Variants in SHC4 observed in about 807,000 individuals in gnomAD.
SHC4 encodes SHC-transforming protein 4.
SHC4 carries 41 observed loss-of-function variants against 69.4 expected under a neutral mutation model. The observed-to-expected ratio is 0.59, with a 90% CI of 0.46 to 0.77. The LOEUF (loss-of-function observed/expected upper bound fraction) is 0.77. Ranked by LOEUF, SHC4 falls within the 30% of genes least tolerant of loss-of-function variation. The pLI, the probability that SHC4 is intolerant of heterozygous loss-of-function variation, is 0.00. For synonymous variants in SHC4, 318 were observed against 299.3 expected (o/e 1.06, Z -0.64); for missense variants, 777 against 783.8 (o/e 0.99, Z 0.10).
At chr15:48,866,777 C>A (rs1428807584) in intron 6 of SHC4, among the ~76,000 whole-genome samples, 1 of 152,200 alleles carries the variant, frequency 6.6e-6, no homozygotes, top group East Asian at 1.9e-4. Flanking sequence ...TATTCCATGT[C>A]CACTTAATAA....
rs891947765 is a variant in SHC4, at chr15:48,826,233, T to G, written c.1738-107A>C. ...AGATATATCCCTAAAGTAGATACTT[T>G]GCTGAAAAAAGAAAAGGTACTTTTT... On this transcript the variant is annotated intron_variant, in intron 11 of 11. Coordinates refer to ENST00000332408, the MANE Select transcript of SHC4 (RefSeq NM_203349.4). 9.1e-6 allele frequency: 10 copies of G among 1,100,262 alleles called. No individual in the cohort carries two copies. In the African/African-American group the frequency reaches 1.6e-4, roughly 18 times the overall value. 68.2% of individuals were successfully genotyped at this position (1,100,262 alleles called of 1,614,324 possible).
chr15:48,888,700 G>C (rs950220002), intron 3 of SHC4, among the ~76,000 whole-genome samples: 1 of 151,924 alleles, frequency 6.6e-6, no homozygotes, highest in Non-Finnish European at 1.5e-5. Context: ...TTAGAGACCA[G>C]CCTGGCCAAA....
chr15:48,826,146 T>C lies in SHC4; in HGVS notation c.1738-20A>G, dbSNP rs751459486. 134 of 1,596,410 alleles carry C rather than the reference T, an allele frequency of 8.4e-5. No homozygotes were observed. The highest frequency in any genetic ancestry group is 1.1e-4 in the Non-Finnish European group (129 of 1,173,548). On this transcript the variant is annotated intron_variant, in intron 11 of 11. Coordinates refer to ENST00000332408, the MANE Select transcript of SHC4 (RefSeq NM_203349.4). ...CCTCACCTTGAAAAAGAAGTACAAA[T>C]ATATTTAGGTTAAATTATAGTAGTT...
intron 2 of SHC4, among the ~76,000 whole-genome samples, chr15:48,907,840 G>GTGTGTGTGTGTGTATA (rs763689321): frequency 7.0e-6 from 1 of 142,196 alleles, no homozygotes; most frequent in African/African-American, 2.6e-5. Context: ...GTGTGTGTGT[G>GTGTGTGTGTGTGTATA]TATATATATA....
intron 3 of SHC4, among the ~76,000 whole-genome samples, chr15:48,888,393 T>C (rs1900075154): frequency 1.3e-5 from 2 of 152,182 alleles, no homozygotes; most frequent in Admixed American, 6.5e-5. Flanking sequence ...ATTCCACTCA[T>C]ATGAAGTACC....
At chr15:48,916,178 T>TC (rs146763227) in intron 2 of SHC4, among the ~76,000 whole-genome samples, 5,171 of 152,118 alleles carry the variant, frequency 0.034, 288 homozygotes, top group African/African-American at 0.12. Context: ...AGAATGCTTT[T>TC]CCTTCTAGAG....
intron 6 of SHC4, among the ~76,000 whole-genome samples, chr15:48,860,117 C>G (rs537568587): frequency 6.6e-6 from 1 of 152,248 alleles, no homozygotes; most frequent in East Asian, 1.9e-4. Flanking sequence ...GATAAAATAT[C>G]TCCTAACACT....
intron 2 of SHC4, among the ~76,000 whole-genome samples, chr15:48,915,907 G>A (rs1046707325): frequency 3.3e-5 from 5 of 151,978 alleles, no homozygotes; most frequent in Admixed American, 2.6e-4. Context: ...AATAGACTTG[G>A]CCTTTTATCC....
At chr15:48,888,223 C>G (rs1454252243) in intron 3 of SHC4, among the ~76,000 whole-genome samples, 1 of 152,206 alleles carries the variant, frequency 6.6e-6, no homozygotes. Flanking sequence ...CGGTGTCCAT[C>G]TACAGATGAA....
At chr15:48,849,071 G>C (rs571000080) in intron 9 of SHC4, among the ~76,000 whole-genome samples, 7 of 152,092 alleles carry the variant, frequency 4.6e-5, no homozygotes, top group Non-Finnish European at 8.8e-5. Context: ...GGAGGTATTT[G>C]GGCAGGACTG....
At chr15:48,937,838 C>T (rs1019671665) in intron 1 of SHC4, among the ~76,000 whole-genome samples, 2 of 152,176 alleles carry the variant, frequency 1.3e-5, no homozygotes, top group African/African-American at 2.4e-5. Flanking sequence ...TCTCTGAAAA[C>T]AGGAATTGCT....
chr15:48,893,446 T>A lies in SHC4; in HGVS notation c.657-2635A>T, dbSNP rs144867523. Among the ~76,000 whole-genome samples the A allele has an allele frequency of 1.9e-3, 291 of 152,334 alleles. 1 individual carries two copies. The highest frequency in any genetic ancestry group is 6.8e-3 in the African/African-American group (283 of 41,590). On this transcript the variant is annotated intron_variant, in intron 2 of 11. Transcript: ENST00000332408. Reference sequence around the variant, plus strand: ...TGCCATTGTAGCACAAAAAGCAGCCTTAGCCAATATGTAGACAAGTGAGCA... The same window carrying A: ...TGCCATTGTAGCACAAAAAGCAGCCATAGCCAATATGTAGACAAGTGAGCA...
At position 48,853,280 on chromosome 15, in the gene SHC4, G is replaced by A. The variant is rs1011756391; in HGVS notation, c.1243-2032C>T. On this transcript the variant is annotated intron_variant, in intron 8 of 11. Transcript: ENST00000332408. ...ATACCTAGGAATACATCTAACTAAGGAGGTTAAAAGTCTCTACAAGGAGAA... is the reference window on the plus strand; with the variant it reads ...ATACCTAGGAATACATCTAACTAAGAAGGTTAAAAGTCTCTACAAGGAGAA... Among the ~76,000 whole-genome samples, 11 of 152,224 alleles carry A rather than the reference G, an allele frequency of 7.2e-5. No homozygotes were observed. In the East Asian group the frequency reaches 1.9e-3, roughly 27 times the overall value.
chr15:48,953,397 CT>C (rs1901396292), intron 1 of SHC4, among the ~76,000 whole-genome samples: 1 of 151,992 alleles, frequency 6.6e-6, no homozygotes, highest in African/African-American at 2.4e-5. Flanking sequence ...ACATGTACCC[CT>C]GAACTTAAAA....
chr15:48,891,020 T>C (rs1449737213), intron 2 of SHC4, among the ~76,000 whole-genome samples: 4 of 152,216 alleles, frequency 2.6e-5, no homozygotes, highest in African/African-American at 9.6e-5. Flanking sequence ...ACTGAGCAAT[T>C]GCTTTACAAC....
At chr15:48,874,470 C>T (rs1255345492) in intron 4 of SHC4, among the ~76,000 whole-genome samples, 1 of 134,772 alleles carries the variant, frequency 7.4e-6, no homozygotes, top group Non-Finnish European at 1.7e-5. Context: ...CTGCTGCTCC[C>T]CGTTGCTCAC....
chr15:48,916,518 A>G (rs1900624793), intron 2 of SHC4, among the ~76,000 whole-genome samples: 1 of 151,766 alleles, frequency 6.6e-6, no homozygotes, highest in South Asian at 2.1e-4. Flanking sequence ...AGCTAGTACC[A>G]AATCACCCAG....
chr15:48,892,090 C>T (rs920622776), intron 2 of SHC4, among the ~76,000 whole-genome samples: 2 of 152,032 alleles, frequency 1.3e-5, no homozygotes, highest in Non-Finnish European at 2.9e-5. Flanking sequence ...CTCCTGACCT[C>T]GTTATCCGCC....
At chr15:48,898,293 G>T (rs147353775) in intron 2 of SHC4, among the ~76,000 whole-genome samples, 5 of 152,300 alleles carry the variant, frequency 3.3e-5, no homozygotes, top group African/African-American at 1.2e-4. Flanking sequence ...CGCAGTCAGT[G>T]CCCACAGACC....
Sources: gnomAD v4.1 joint callset for allele counts (sites outside exome capture counted in the v4.1 genomes callset) on GRCh38, gnomAD v4.1.1 for gene constraint, MANE v1.5 for transcripts, NCBI Gene and HGNC (gene_info 2026-07-23, HGNC 2026-07-21) for gene names.